COL14A1: variants seen among roughly 807,000 people sequenced by gnomAD.
COL14A1 encodes the protein collagen type XIV alpha 1 chain.
COL14A1 carries 136 observed loss-of-function variants against 230.3 expected under a neutral mutation model. That is an observed-to-expected ratio of 0.59 (90% confidence interval 0.51 to 0.68). COL14A1 has a LOEUF of 0.68. Among genes scored for constraint, COL14A1 ranks in the 30% least tolerant of loss-of-function variants. The pLI, the probability that COL14A1 is intolerant of heterozygous loss-of-function variation, is 0.00. For synonymous variants in COL14A1, 792 were observed against 784.1 expected, an observed-to-expected ratio of 1.01 and a Z score of -0.17; for missense variants, 1,976 against 2,215.8, an observed-to-expected ratio of 0.89 and a Z score of 2.17.
At chr8:120,131,722 C>T (rs1028382285) in intron 1 of COL14A1, among the ~76,000 whole-genome samples, 24 of 151,802 alleles carry the variant, frequency 1.6e-4, no homozygotes, top group African/African-American at 5.3e-4. Context: ...TAATTAGATC[C>T]CACTTGTCAA....
chr8:120,147,868 G>A lies in COL14A1; in HGVS notation c.26G>A (p.Arg9Gln), dbSNP rs772812560. The part of the protein sequence containing the change: MKIFQRKM[R>Q]YWLLPPFLAI... ...ATGAAGATTTTCCAGCGCAAGATGC[G>A]GTACTGGTTGCTTCCACCTTTTTTG... is the stretch of plus-strand genomic sequence containing the variant. The change falls in exon 2 of 48, where the codon CGG (arginine) becomes CAG (glutamine). Residue 9 changes from arginine (R) to glutamine (Q), a missense_variant. This residue lies in a region of COL14A1 where 181 missense variants were observed against 178.6 expected (regional missense o/e 1.01). Transcript: ENST00000297848. 14 of 1,613,674 alleles carry A rather than the reference G, an allele frequency of 8.7e-6. No homozygotes were observed. Among genetic ancestry groups the A allele is most frequent in the South Asian group, 5.5e-5 (5 of 91,024 alleles).
chr8:120,200,715 T>TTATATATATA (rs34177030), intron 8 of COL14A1, among the ~76,000 whole-genome samples: 43 of 85,720 alleles, frequency 5.0e-4, no homozygotes, highest in South Asian at 1.3e-3. Context: ...GTTTTCCTAT[T>TTATATATATA]TATATATATA....
At chr8:120,243,300 C>G (rs553122124) in intron 19 of COL14A1, among the ~76,000 whole-genome samples, 4 of 152,126 alleles carry the variant, frequency 2.6e-5, no homozygotes, top group Admixed American at 6.5e-5. Context: ...GAAGACAACT[C>G]CTTTCAGAAA....
intron 26 of COL14A1, among the ~76,000 whole-genome samples, chr8:120,272,287 T>TA (rs1268987775): frequency 1.3e-5 from 2 of 151,716 alleles, no homozygotes; most frequent in African/African-American, 4.8e-5. Context: ...TAAGAAATGT[T>TA]AAAAGAAGTT....
chr8:120,171,976 G>C (rs1471412673), intron 5 of COL14A1, among the ~76,000 whole-genome samples: 2 of 151,942 alleles, frequency 1.3e-5, no homozygotes, highest in African/African-American at 4.8e-5. Flanking sequence ...TTTCAATGGG[G>C]AAATCTTTTA....
Position 120,209,786 on chromosome 8 carries a change from T to C in COL14A1, c.1352T>C (p.Leu451Pro). The part of the protein sequence containing the change: ...LALPMASDLL[L>P]YDVTENSMRV... ...TTACCGATGGCTTCTGACCTTCTAC[T>C]GTACGACGTGACTGAGAACAGCATG... The change falls in exon 12 of 48, where the codon CTG becomes CCG. Residue 451 changes from leucine (L) to proline (P), a missense_variant. Leu to Pro is a moderately conservative substitution (Grantham distance 98, BLOSUM62 -3). This residue lies in a region of COL14A1 where 1,791 missense variants were observed against 2,019.5 expected (regional missense o/e 0.89). Transcript: ENST00000297848. 3 of 1,613,582 alleles carry C rather than the reference T, an allele frequency of 1.9e-6. No individual in the cohort carries two copies. Among genetic ancestry groups the C allele is most frequent in the Non-Finnish European group, 2.5e-6 (3 of 1,179,760 alleles).
chr8:120,281,157 A>G (rs1312434325), intron 31 of COL14A1, 98 bp downstream of exon 31: 3 of 1,168,150 alleles, frequency 2.6e-6, no homozygotes, highest in Admixed American at 2.4e-5. Context: ...AGTCCCAGGT[A>G]GGATTTTCCA....
At chr8:120,226,561 G>T in intron 15 of COL14A1, 66 bp from the exon 16 acceptor site, 1 of 1,560,772 alleles carries the variant, frequency 6.4e-7, no homozygotes, top group South Asian at 1.1e-5. Context: ...ACCCCTGGGA[G>T]ATACTTGGGT....
At chr8:120,208,198 C>T (rs1817502579) in intron 10 of COL14A1, 34 bp from the exon 11 acceptor site, 1 of 1,568,636 alleles carries the variant, frequency 6.4e-7, no homozygotes, top group Non-Finnish European at 8.7e-7. Flanking sequence ...TAAGATATTC[C>T]ATACTCTCAT....
chr8:120,246,335 G>A lies in COL14A1; in HGVS notation c.2480-1278G>A, dbSNP rs545830554. On this transcript the variant is annotated intron_variant, in intron 20 of 47. Transcript: ENST00000297848. ...AGCTGCTATAGTTGTTTCCTCAAGG[G>A]ACATGAGGAAGGAGAGAAGGAAAAC... 1.1e-4 allele frequency among the ~76,000 whole-genome samples: 16 copies of A among 152,206 alleles called. No individual in the cohort carries two copies. In the South Asian group the frequency reaches 2.9e-3, roughly 28 times the overall value.
chr8:120,233,961 T>C (rs969609157), intron 19 of COL14A1, among the ~76,000 whole-genome samples: 4 of 152,188 alleles, frequency 2.6e-5, no homozygotes, highest in Non-Finnish European at 5.9e-5. Flanking sequence ...CATGAAATAT[T>C]TTTCCATTTG....
intron 40 of COL14A1, among the ~76,000 whole-genome samples, chr8:120,331,627 G>C (rs561495916): frequency 1.3e-5 from 2 of 152,058 alleles, no homozygotes; most frequent in East Asian, 3.8e-4. Flanking sequence ...ATGACACTCA[G>C]TAAATCTGTC....
At chr8:120,241,110 A>G (rs1260136863) in intron 19 of COL14A1, among the ~76,000 whole-genome samples, 1 of 152,242 alleles carries the variant, frequency 6.6e-6, no homozygotes, top group Non-Finnish European at 1.5e-5. Flanking sequence ...AGTGTGACTC[A>G]GTCTCCTACA....
intron 5 of COL14A1, among the ~76,000 whole-genome samples, chr8:120,186,153 G>A (rs34368129): frequency 0.065 from 9,834 of 152,232 alleles, 445 homozygotes; most frequent in Middle Eastern, 0.092. Flanking sequence ...CCAATGTATT[G>A]AAAAACCCTT....
At chr8:120,323,664 T>C (rs1192923894) in intron 40 of COL14A1, among the ~76,000 whole-genome samples, 1 of 152,224 alleles carries the variant, frequency 6.6e-6, no homozygotes, top group Non-Finnish European at 1.5e-5. Flanking sequence ...AACCATTTAT[T>C]GAATAGGGAG....
chr8:120,300,985 T>A (rs1820692951), intron 36 of COL14A1, among the ~76,000 whole-genome samples, 167 bp downstream of exon 36: 2 of 152,130 alleles, frequency 1.3e-5, no homozygotes, highest in African/African-American at 4.8e-5. Context: ...GAACACAGCT[T>A]GGAGGAGCTG....
chr8:120,350,634 CAAAG>C (rs1434224922), intron 45 of COL14A1, among the ~76,000 whole-genome samples: 13 of 149,272 alleles, frequency 8.7e-5, no homozygotes, highest in African/African-American at 3.0e-4. Context: ...TCAAAAGAGA[CAAAG>C]AAGGCCATTA....
intron 40 of COL14A1, among the ~76,000 whole-genome samples, chr8:120,321,566 C>G (rs975031219): frequency 6.6e-6 from 1 of 151,402 alleles, no homozygotes; most frequent in South Asian, 2.1e-4. Context: ...TCACTTGAAC[C>G]GAGGAGGTGG....
At chr8:120,247,758 T>G (rs1340483964) in intron 21 of COL14A1, 23 bp downstream of exon 21, 4 of 1,611,042 alleles carry the variant, frequency 2.5e-6, no homozygotes, top group Non-Finnish European at 2.5e-6. Flanking sequence ...TTGTAAATAA[T>G]GTTGATACCA....
Sources: allele counts gnomAD v4.1 joint callset (sites outside exome capture counted in the v4.1 genomes callset), GRCh38; gene constraint gnomAD v4.1.1; regional missense constraint gnomAD v4.1.1; transcripts MANE v1.5; gene names NCBI Gene and HGNC (gene_info 2026-07-23, HGNC 2026-07-21).